WDR19: variants seen among roughly 807,000 people sequenced by gnomAD.
WDR19 encodes the protein WD repeat domain 19.
A neutral mutation model predicts 180.0 loss-of-function variants in WDR19; 121 were observed. The observed-to-expected ratio is 0.67, with a 90% CI of 0.58 to 0.78. WDR19 has a LOEUF of 0.78. WDR19 is among the 30% of genes least tolerant of loss of function. The pLI is 0.00. For missense variants in WDR19, 1,450 were observed against 1,640.7 expected, an observed-to-expected ratio of 0.88 and a Z score of 2.01; for synonymous variants, 497 against 540.7, an observed-to-expected ratio of 0.92 and a Z score of 1.12.
At chr4:39,191,686 C>T (rs1726162676) in intron 4 of WDR19, among the ~76,000 whole-genome samples, 1 of 152,188 alleles carries the variant, frequency 6.6e-6, no homozygotes, top group Non-Finnish European at 1.5e-5. Context: ...CTTCATCAAC[C>T]AGTTCATTCT....
At chr4:39,282,034 T>C (rs935395394) in intron 36 of WDR19, among the ~76,000 whole-genome samples, 11 of 152,314 alleles carry the variant, frequency 7.2e-5, no homozygotes, top group African/African-American at 2.4e-4. Flanking sequence ...GACCCTATTA[T>C]AAAGGGCTCA....
chr4:39,218,170 C>A, intron 14 of WDR19, 65 bp downstream of exon 14: 1 of 1,537,294 alleles, frequency 6.5e-7, no homozygotes, highest in South Asian at 1.2e-5. Flanking sequence ...TGATCTCAGT[C>A]ATTCTCTTTT....
At chr4:39,192,523 G>A (rs1273049799) in intron 4 of WDR19, among the ~76,000 whole-genome samples, 1 of 152,176 alleles carries the variant, frequency 6.6e-6, no homozygotes, top group Admixed American at 6.5e-5. Flanking sequence ...AGGCTGGAGT[G>A]CAGTGGCTTG....
intron 31 of WDR19, among the ~76,000 whole-genome samples, chr4:39,272,417 A>C (rs1204287863): frequency 6.6e-6 from 1 of 151,822 alleles, no homozygotes; most frequent in African/African-American, 2.4e-5. Context: ...CTCCATCCCC[A>C]CTGCCCCACC....
intron 36 of WDR19, among the ~76,000 whole-genome samples, chr4:39,281,236 T>TATAG (rs762298152): frequency 2.3e-3 from 237 of 104,028 alleles, no homozygotes; most frequent in Middle Eastern, 4.2e-3. Context: ...TATATATATA[T>TATAG]AGAGAGAGAG....
At chr4:39,257,617 A>C in intron 28 of WDR19, 63 bp downstream of exon 28, 1 of 1,465,746 alleles carries the variant, frequency 6.8e-7, no homozygotes, top group Non-Finnish European at 9.3e-7. Context: ...CTTGAAAAAA[A>C]TTTTAAATAT....
At chr4:39,206,518 G>A (rs1009419393) in intron 9 of WDR19, among the ~76,000 whole-genome samples, 3 of 152,188 alleles carry the variant, frequency 2.0e-5, no homozygotes, top group Non-Finnish European at 4.4e-5. Flanking sequence ...GAATTATGTG[G>A]TAGAACAGAG....
chr4:39,190,889 C>G (rs993136830), intron 4 of WDR19, among the ~76,000 whole-genome samples: 1 of 152,206 alleles, frequency 6.6e-6, no homozygotes, highest in African/African-American at 2.4e-5. Context: ...GTTTAATAAA[C>G]TTCAAGTACT....
chr4:39,232,566 A>C (rs1216593564), intron 19 of WDR19, among the ~76,000 whole-genome samples: 1 of 152,090 alleles, frequency 6.6e-6, no homozygotes, highest in Admixed American at 6.5e-5. Context: ...TGGAGGTTGC[A>C]GTGAGCCTGT....
intron 36 of WDR19, among the ~76,000 whole-genome samples, chr4:39,281,195 C>T (rs1430717818): frequency 2.5e-5 from 2 of 79,340 alleles, no homozygotes; most frequent in Non-Finnish European, 4.9e-5. Flanking sequence ...CTTCTTTGTC[C>T]TAAATATATA....
chr4:39,232,042 T>A, intron 18 of WDR19, 86 bp downstream of exon 18: 2 of 1,551,430 alleles, frequency 1.3e-6, no homozygotes, highest in Non-Finnish European at 1.8e-6. Context: ...CATTTAATCT[T>A]ACCTCTTAAA....
At chr4:39,274,666 A>C (rs565190520) in intron 32 of WDR19, 142 bp from the exon 33 acceptor site, 1 of 971,700 alleles carries the variant, frequency 1.0e-6, no homozygotes, top group East Asian at 2.4e-5. Context: ...CTCATTAAAC[A>C]GATCATATCT....
At chr4:39,249,249 G>T (rs1003564816) in intron 24 of WDR19, among the ~76,000 whole-genome samples, 25 of 152,072 alleles carry the variant, frequency 1.6e-4, no homozygotes, top group Non-Finnish European at 3.7e-4. Context: ...TGACTACTGG[G>T]TACATAAGGA....
intron 36 of WDR19, among the ~76,000 whole-genome samples, chr4:39,284,089 C>T (rs905956886): frequency 3.9e-5 from 6 of 151,904 alleles, no homozygotes; most frequent in South Asian, 2.1e-4. Context: ...CTAGAATTCT[C>T]GAATCTGTAT....
rs1381810467 is a variant in WDR19, at chr4:39,206,021, A to G, written c.890+285A>G. ...TATAAAACGTGAACAGAATGCATGG[A>G]GCAGATATTTAAGGACTCTGAAAAG... On this transcript the variant is annotated intron_variant, in intron 9 of 36. Transcript: ENST00000399820. The G allele has an allele frequency of 3.9e-5, 9 of 231,866 alleles. No homozygotes were observed. The East Asian group carries it at 8.3e-4, about 21-fold the overall frequency. 14.4% of individuals were successfully genotyped at this position (231,866 alleles called of 1,614,324 possible). A position where few individuals can be genotyped will look rare whatever the true frequency, so the allele number is the denominator to read the frequency against.
At chr4:39,185,862 T>C in intron 2 of WDR19, 45 bp downstream of exon 2, 2 of 1,439,458 alleles carry the variant, frequency 1.4e-6, no homozygotes, top group Non-Finnish European at 1.9e-6. Flanking sequence ...CATGCCCATG[T>C]AATCACACCA....
chr4:39,205,091 T>G lies in WDR19; in HGVS notation c.604-63T>G, dbSNP rs550185984. 98 of 1,214,440 alleles carry G rather than the reference T, an allele frequency of 8.1e-5. 4 individuals carry two copies. In the South Asian group the frequency reaches 1.4e-3, roughly 17 times the overall value. The allele number at this position is 1,214,440 out of a possible 1,614,324, so 75.2% of individuals were successfully genotyped here. A position where few individuals can be genotyped will look rare whatever the true frequency, so the allele number is the denominator to read the frequency against. ...AATTAGGTTCAGCTGTTGGATTTGC[T>G]TAATGGTCTTTTCATGAAGTACTAA... On this transcript the variant is annotated intron_variant, in intron 7 of 36. Coordinates refer to ENST00000399820, the MANE Select transcript of WDR19 (RefSeq NM_025132.4).
chr4:39,253,066 A>C (rs1733399971), intron 24 of WDR19, 80 bp from the exon 25 acceptor site: 1 of 1,384,260 alleles, frequency 7.2e-7, no homozygotes, highest in African/African-American at 1.5e-5. Flanking sequence ...TAAAATTTAA[A>C]AGTGTCCTAA....
intron 13 of WDR19, 142 bp from the exon 14 acceptor site, chr4:39,217,841 G>A: frequency 9.6e-7 from 1 of 1,040,486 alleles, no homozygotes; most frequent in South Asian, 1.7e-5. Flanking sequence ...GTTCCTGTGT[G>A]ATAGCTTTCC....
Sources: allele counts gnomAD v4.1 joint callset (sites outside exome capture counted in the v4.1 genomes callset), GRCh38; gene constraint gnomAD v4.1.1; transcripts MANE v1.5; gene names NCBI Gene and HGNC (gene_info 2026-07-23, HGNC 2026-07-21).